Variants in MYLK observed in about 807,000 individuals in gnomAD.
MYLK encodes myosin light chain kinase.
Under a neutral mutation model 203.4 loss-of-function variants are expected in MYLK, and 106 were observed. That is an observed-to-expected ratio of 0.52 (90% CI 0.45 to 0.61). MYLK has a LOEUF of 0.61. Among genes scored for constraint, MYLK ranks in the 20% least tolerant of loss-of-function variants. The pLI is 0.00. For missense variants in MYLK, 2,072 were observed against 2,442.3 expected (o/e 0.85, Z 3.20); for synonymous variants, 867 against 959.5 (o/e 0.90, Z 1.78).
chr3:123,726,523 C>T lies in MYLK; in HGVS notation c.1517-445G>A, dbSNP rs545508806. ...GTGAGTATCTCTTTACTTGTATAAG[C>T]CACAGGCTCACAGGTGAGGACATTT... On this transcript the variant is annotated intron_variant, in intron 11 of 33. Coordinates refer to ENST00000360304, the MANE Select transcript of MYLK (RefSeq NM_053025.4). 3.2e-4 allele frequency among the ~76,000 whole-genome samples: 48 copies of T among 152,244 alleles called. 1 individual carries two copies. Among genetic ancestry groups the T allele is most frequent in the Non-Finnish European group, 6.9e-4 (47 of 68,022 alleles).
rs561148360 is a variant in MYLK at position 123,700,728 on chromosome 3, C to A, written c.2740G>T (p.Asp914Tyr). 4 of 1,614,040 alleles carry A rather than the reference C, an allele frequency of 2.5e-6. No homozygotes were observed. Among genetic ancestry groups the A allele is most frequent in the Non-Finnish European group, 1.7e-6 (2 of 1,180,046 alleles). ...TGCTCGGCTGGGATCTCCTTCAGGT[C>A]GTCTTCCGATAGGGTCTTTGTACTC... ...KVSTKTLSEDDLKEIPAEQMD... is the reference protein window; with the variant it reads ...KVSTKTLSEDYLKEIPAEQMD... The change falls in exon 18 of 34, where the codon GAC becomes TAC. Residue 914 changes from aspartate (D) to tyrosine (Y), a missense_variant. Around this residue, in one of 3 missense-constraint regions of MYLK, gnomAD observed 865 missense variants for 1,016.0 expected, o/e 0.85. Transcript: ENST00000360304.
At chr3:123,797,820 A>C (rs909049100) in intron 3 of MYLK, among the ~76,000 whole-genome samples, 2 of 152,246 alleles carry the variant, frequency 1.3e-5, no homozygotes, top group African/African-American at 4.8e-5. Context: ...ATAGCATAAA[A>C]GGCATTCAAT....
chr3:123,736,202 C>T (rs990992250), intron 8 of MYLK, among the ~76,000 whole-genome samples: 1 of 152,160 alleles, frequency 6.6e-6, no homozygotes, highest in African/African-American at 2.4e-5. Context: ...GCACTGTACA[C>T]AGTACGGTCA....
At chr3:123,854,016 T>G (rs1292307472) in intron 2 of MYLK, among the ~76,000 whole-genome samples, 3 of 151,826 alleles carry the variant, frequency 2.0e-5, no homozygotes, top group Non-Finnish European at 4.4e-5. Flanking sequence ...GGGTCTACCA[T>G]GTGAATACCC....
At chr3:123,865,380 A>G (rs1227041152) in intron 2 of MYLK, among the ~76,000 whole-genome samples, 1 of 152,228 alleles carries the variant, frequency 6.6e-6, no homozygotes, top group Non-Finnish European at 1.5e-5. Context: ...AGCTTTCAGC[A>G]GTGAAGAATA....
chr3:123,852,659 G>A (rs2148669879), intron 2 of MYLK, among the ~76,000 whole-genome samples: 1 of 151,852 alleles, frequency 6.6e-6, no homozygotes, highest in Non-Finnish European at 1.5e-5. Context: ...TATCAATTTT[G>A]CTGATCTTTT....
At chr3:123,762,030 A>G (rs950418054) in intron 4 of MYLK, among the ~76,000 whole-genome samples, 1 of 152,132 alleles carries the variant, frequency 6.6e-6, no homozygotes, top group African/African-American at 2.4e-5. Context: ...TCCGCCTCAA[A>G]AAATATATAT....
chr3:123,849,850 C>T (rs906970941), intron 2 of MYLK, among the ~76,000 whole-genome samples: 1 of 152,082 alleles, frequency 6.6e-6, no homozygotes, highest in African/African-American at 2.4e-5. Flanking sequence ...CCCATTAACT[C>T]ATCATTTACA....
At chr3:123,709,990 C>T (rs766409611) in intron 13 of MYLK, 97 bp from the exon 14 acceptor site, 3 of 1,508,052 alleles carry the variant, frequency 2.0e-6, no homozygotes, top group Non-Finnish European at 2.7e-6. Context: ...TGTTGATGCT[C>T]AGTTCCCACC....
In MYLK at chr3:123,610,188, TA is replaced by T. The variant is rs1269519963; in HGVS notation, c.*3916del. The T allele has an allele frequency of 2.0e-5, 3 of 152,258 alleles. No homozygotes were observed. Among genetic ancestry groups the T allele is most frequent in the Admixed American group, 1.3e-4 (2 of 15,294 alleles). The allele number at this position is 152,258 out of a possible 1,614,324, so 9.4% of individuals were successfully genotyped here. ...ATGTGACTGTCGAGCATTTGAAATG[TA>T]ACTCATACAACTGAGGAACTGAATT... On this transcript the variant is annotated 3_prime_UTR_variant, in exon 34 of 34. Transcript: ENST00000360304.
chr3:123,695,493 A>G (rs930046529), intron 18 of MYLK, among the ~76,000 whole-genome samples: 1 of 152,260 alleles, frequency 6.6e-6, no homozygotes. Flanking sequence ...GGTAGGATCT[A>G]TGTAAGAAAA....
chr3:123,655,204 G>A (rs2059354779), intron 24 of MYLK, among the ~76,000 whole-genome samples: 1 of 152,048 alleles, frequency 6.6e-6, no homozygotes, highest in South Asian at 2.1e-4. Context: ...TAAATCCAAA[G>A]ACCCTCTGAG....
At chr3:123,781,560 G>A (rs1217254652) in intron 4 of MYLK, among the ~76,000 whole-genome samples, 1 of 152,248 alleles carries the variant, frequency 6.6e-6, no homozygotes, top group African/African-American at 2.4e-5. Context: ...TCTGTAAAAT[G>A]CCACACAAAC....
intron 15 of MYLK, among the ~76,000 whole-genome samples, chr3:123,708,479 A>G (rs1347891205): frequency 6.6e-6 from 1 of 152,172 alleles, no homozygotes; most frequent in South Asian, 2.1e-4. Context: ...TAACCCAGAG[A>G]GGGCAGGGAC....
chr3:123,702,414 C>G (rs187016482), intron 16 of MYLK, among the ~76,000 whole-genome samples: 46 of 152,328 alleles, frequency 3.0e-4, no homozygotes, highest in African/African-American at 1.1e-3. Context: ...ACACGCAGTT[C>G]TTTCTTGATA....
chr3:123,881,108 C>T (rs1257595564), intron 1 of MYLK, among the ~76,000 whole-genome samples: 2 of 152,120 alleles, frequency 1.3e-5, no homozygotes, highest in African/African-American at 4.8e-5. Flanking sequence ...GGCACTGCTT[C>T]CCCGCACAAC....
chr3:123,645,147 C>A (rs2058971719), intron 27 of MYLK, among the ~76,000 whole-genome samples: 1 of 152,066 alleles, frequency 6.6e-6, no homozygotes, highest in Non-Finnish European at 1.5e-5. Context: ...AGCACTGTGC[C>A]CTATATGCAT....
chr3:123,692,670 G>A (rs1186094496), intron 19 of MYLK, 65 bp downstream of exon 19: 13 of 1,266,370 alleles, frequency 1.0e-5, no homozygotes, highest in Non-Finnish European at 1.5e-5. Flanking sequence ...GTATGGTAAG[G>A]AAGGGAGGGG....
At chr3:123,771,119 CA>C (rs749777093) in intron 4 of MYLK, among the ~76,000 whole-genome samples, 1 of 152,318 alleles carries the variant, frequency 6.6e-6, no homozygotes, top group Non-Finnish European at 1.5e-5. Flanking sequence ...GCTACAAATA[CA>C]GAGCTTGGAA....
Sources: allele counts gnomAD v4.1 joint callset (sites outside exome capture counted in the v4.1 genomes callset), GRCh38; gene constraint gnomAD v4.1.1; regional missense constraint gnomAD v4.1.1; transcripts MANE v1.5; gene names NCBI Gene and HGNC (gene_info 2026-07-23, HGNC 2026-07-21).